TBC1D5: variants seen among roughly 807,000 people sequenced by gnomAD.
The protein encoded by TBC1D5 is TBC1 domain family member 5, also known as TBC1 domain family, member 5.
In TBC1D5, 75 loss-of-function variants were observed where a neutral mutation model predicts 100.3. That is an observed-to-expected ratio of 0.75 (90% CI 0.62 to 0.91). TBC1D5 has a LOEUF of 0.91. Among genes scored for constraint, TBC1D5 ranks in the 40% least tolerant of loss-of-function variants. The pLI, the probability that TBC1D5 is intolerant of heterozygous loss-of-function variation, is 0.00. For missense variants in TBC1D5, 910 were observed against 942.4 expected (o/e 0.97, Z 0.45); for synonymous variants, 323 against 325.6 (o/e 0.99, Z 0.09).
intron 13 of TBC1D5, among the ~76,000 whole-genome samples, chr3:17,346,665 A>G (rs999236834): frequency 7.9e-5 from 12 of 152,168 alleles, no homozygotes; most frequent in African/African-American, 2.9e-4. Flanking sequence ...CCAAGAATAC[A>G]TTAATATATA....
intron 3 of TBC1D5, among the ~76,000 whole-genome samples, chr3:17,443,369 C>T (rs1055333138): frequency 6.6e-6 from 1 of 152,138 alleles, no homozygotes; most frequent in Non-Finnish European, 1.5e-5. Flanking sequence ...CCGAACAATA[C>T]CACGTGCTGG....
At chr3:17,338,628 GA>G (rs1404110871) in intron 13 of TBC1D5, 2 of 152,134 alleles carry the variant, frequency 1.3e-5, no homozygotes, top group African/African-American at 4.8e-5. Flanking sequence ...TTAGCAACAC[GA>G]AAATAAGTTT....
chr3:17,294,705 AC>A (rs1224882015), intron 14 of TBC1D5, among the ~76,000 whole-genome samples: 1 of 152,250 alleles, frequency 6.6e-6, no homozygotes, highest in Admixed American at 6.5e-5. Context: ...ATATCCAGAG[AC>A]TATGCTAGGC....
intron 1 of TBC1D5, among the ~76,000 whole-genome samples, chr3:17,711,174 T>C (rs1485048033): frequency 1.3e-5 from 2 of 152,208 alleles, no homozygotes; most frequent in African/African-American, 4.8e-5. Flanking sequence ...GAGAGAACAC[T>C]AGATTAAAAA....
intron 13 of TBC1D5, among the ~76,000 whole-genome samples, chr3:17,336,324 G>A (rs1273291070): frequency 6.6e-6 from 1 of 152,036 alleles, no homozygotes; most frequent in African/African-American, 2.4e-5. Flanking sequence ...CTCCATTTAT[G>A]AAAACAATTA....
chr3:17,161,655 C>T (rs1321638562), intron 21 of TBC1D5, among the ~76,000 whole-genome samples: 11 of 152,262 alleles, frequency 7.2e-5, no homozygotes, highest in East Asian at 5.8e-4. Flanking sequence ...TGAACTTTAA[C>T]TTTCATCTGT....
chr3:17,188,966 C>T (rs1293094698), intron 18 of TBC1D5, among the ~76,000 whole-genome samples: 1 of 152,118 alleles, frequency 6.6e-6, no homozygotes, highest in Non-Finnish European at 1.5e-5. Flanking sequence ...TCCTGCCTTC[C>T]ATTATAGGAG....
intron 1 of TBC1D5, among the ~76,000 whole-genome samples, chr3:17,629,656 T>C (rs1376595989): frequency 1.3e-5 from 2 of 152,206 alleles, no homozygotes; most frequent in Non-Finnish European, 2.9e-5. Context: ...AAAACAGTGA[T>C]GTAAGTAGTC....
chr3:17,621,104 A>T (rs1178874236), intron 2 of TBC1D5, among the ~76,000 whole-genome samples: 1 of 152,200 alleles, frequency 6.6e-6, no homozygotes, highest in Non-Finnish European at 1.5e-5. Flanking sequence ...GAAAGACGGG[A>T]CATATAAATA....
intron 2 of TBC1D5, among the ~76,000 whole-genome samples, chr3:17,532,443 C>G (rs1435773688): frequency 6.6e-6 from 1 of 152,144 alleles, no homozygotes; most frequent in Admixed American, 6.5e-5. Flanking sequence ...CCTCAGGGAT[C>G]TAGAACTAGA....
At chr3:17,342,844 A>T (rs112507283) in intron 13 of TBC1D5, among the ~76,000 whole-genome samples, 2 of 152,230 alleles carry the variant, frequency 1.3e-5, no homozygotes, top group African/African-American at 4.8e-5. Flanking sequence ...ACCACTGAAG[A>T]GTCATTTAAA....
At chr3:17,685,203 T>TA (rs11397825) in intron 1 of TBC1D5, among the ~76,000 whole-genome samples, 8,286 of 151,778 alleles carry the variant, frequency 0.055, 692 homozygotes, top group African/African-American at 0.18. Context: ...GCCATAAATT[T>TA]AAAAAAAATC....
chr3:17,282,106 T>G (rs1292144412), intron 15 of TBC1D5, among the ~76,000 whole-genome samples: 1 of 152,162 alleles, frequency 6.6e-6, no homozygotes, highest in Non-Finnish European at 1.5e-5. Context: ...TATAGGCTAA[T>G]TAAGGCCTTA....
chr3:17,519,690 G>A (rs1424246946), intron 2 of TBC1D5, among the ~76,000 whole-genome samples: 2 of 152,172 alleles, frequency 1.3e-5, no homozygotes, highest in Admixed American at 1.3e-4. Flanking sequence ...ACATGCTTCA[G>A]TATAATTCCC....
chr3:17,741,381 C>CAATA (rs1203277857), upstream of TBC1D5, among the ~76,000 whole-genome samples: 1 of 152,148 alleles, frequency 6.6e-6, no homozygotes, highest in African/African-American at 2.4e-5. Context: ...AGAGAAAAAC[C>CAATA]AATATATAAA....
rs2093368579 is a variant in TBC1D5 at position 17,392,166 on chromosome 3, C to T, written c.510-8151G>A. ...ATCTCAGAAAGCTCTAAGATGATGCCACAGAGAACCCTTCAGTCAGACAAA... is the reference window on the plus strand; with the variant it reads ...ATCTCAGAAAGCTCTAAGATGATGCTACAGAGAACCCTTCAGTCAGACAAA... On this transcript the variant is annotated intron_variant, in intron 8 of 21. Coordinates refer to ENST00000253692, the Ensembl canonical transcript of TBC1D5. Among the ~76,000 whole-genome samples, 3 of 151,914 alleles carry T rather than the reference C, an allele frequency of 2.0e-5. 1 individual carries two copies. The South Asian group carries it at 6.2e-4, about 32-fold the overall frequency.
At chr3:17,525,215 C>T (rs976468012) in intron 2 of TBC1D5, among the ~76,000 whole-genome samples, 9 of 152,190 alleles carry the variant, frequency 5.9e-5, no homozygotes, top group African/African-American at 1.9e-4. Context: ...CTGCAACCTC[C>T]GACCCCAAGG....
chr3:17,302,289 GTA>G (rs35087286), intron 14 of TBC1D5, among the ~76,000 whole-genome samples: 64,129 of 151,814 alleles, frequency 0.42, 14,241 homozygotes, highest in Middle Eastern at 0.51. Flanking sequence ...TCTTCTCCCT[GTA>G]TATACCTTCA....
At chr3:17,552,896 C>T (rs2096485821) in intron 2 of TBC1D5, among the ~76,000 whole-genome samples, 1 of 152,048 alleles carries the variant, frequency 6.6e-6, no homozygotes, top group Non-Finnish European at 1.5e-5. Flanking sequence ...TCCAGAATTC[C>T]AGGGCTAGAG....
Sources: gnomAD v4.1 joint callset for allele counts (sites outside exome capture counted in the v4.1 genomes callset) on GRCh38, gnomAD v4.1.1 for gene constraint, MANE v1.5 for transcripts, NCBI Gene and HGNC (gene_info 2026-07-23, HGNC 2026-07-21) for gene names.